KIF1A: variants seen among roughly 807,000 people sequenced by gnomAD.
KIF1A encodes the protein kinesin-like protein KIF1A.
Under a neutral mutation model 227.3 loss-of-function variants are expected in KIF1A, and 46 were observed. The ratio of observed to expected loss-of-function variants is 0.20; its 90% confidence interval spans 0.16 to 0.26. KIF1A has a LOEUF of 0.26. Among genes scored for constraint, KIF1A ranks in the 10% least tolerant of loss-of-function variants. The probability of loss-of-function intolerance (pLI) is 1.00; values close to 1 mark genes in which losing one functional copy is unlikely to be tolerated. For missense variants in KIF1A, 1,683 were observed against 2,485.9 expected (o/e 0.68, Z 6.87); for synonymous variants, 1,022 against 1,012.8 (o/e 1.01, Z -0.17).
At chr2:240,727,341 CTCAGGCAGGGAGGAGAGGAA>C (rs2046137960) in intron 38 of KIF1A, among the ~76,000 whole-genome samples, 1 of 152,102 alleles carries the variant, frequency 6.6e-6, no homozygotes, top group African/African-American at 2.4e-5. Flanking sequence ...GAGGAGAGGA[CTCAGGCAGGGAGGAGAGGAA>C]GGACAGAGGC....
In KIF1A at chr2:240,783,887, A is replaced by G. The variant is rs562904059; in HGVS notation, c.721-71T>C. ...CGGGGGCATCCCAGGACCCCTGGGC[A>G]AGGTCTCCACAGCTGTTGAAGGAGC... On this transcript the variant is annotated intron_variant, in intron 7 of 48. Coordinates refer to ENST00000498729, the MANE Select transcript of KIF1A (RefSeq NM_001244008.2). 34 of 1,205,386 alleles carry G rather than the reference A, an allele frequency of 2.8e-5. 2 individuals are homozygous for G. The South Asian group carries it at 4.3e-4, about 15-fold the overall frequency. The allele number at this position is 1,205,386 out of a possible 1,614,324, so 74.7% of individuals were successfully genotyped here. A position where few individuals can be genotyped will look rare whatever the true frequency, so the allele number is the denominator to read the frequency against.
At chr2:240,741,683 C>T (rs1194440113) in intron 34 of KIF1A, among the ~76,000 whole-genome samples, 1 of 152,244 alleles carries the variant, frequency 6.6e-6, no homozygotes, top group Non-Finnish European at 1.5e-5. Flanking sequence ...CAAGAACCAA[C>T]AGGGCAGCCG....
Position 240,721,041 on chromosome 2 carries a change from G to A in KIF1A, c.4744-3C>T. The A allele has an allele frequency of 3.1e-6, 5 of 1,611,842 alleles. No individual in the cohort carries two copies. Among genetic ancestry groups the A allele is most frequent in the Non-Finnish European group, 4.2e-6 (5 of 1,179,484 alleles). ...AGGGTGACAGACATCTCGGAGAGCT[G>A]CGGAGGAGAGGCCTTTTTCAGGGGA... On this transcript the variant is annotated splice_region_variant and splice_polypyrimidine_tract_variant and intron_variant, in intron 44 of 48. Transcript: ENST00000498729.
At position 240,762,996 on chromosome 2, in the gene KIF1A, GAGGGC is replaced by G; in HGVS notation, c.2022+18_2022+22del. On this transcript the variant is annotated intron_variant, in intron 22 of 48. Transcript: ENST00000498729. ...CTGGTGTGGGTGGGGGCTGGGCAGG[GAGGGC>G]GGGGCCACGTCACTCACCAGCCGCT... The G allele has an allele frequency of 6.9e-7, 1 of 1,451,106 alleles. No homozygotes were observed. Among genetic ancestry groups the G allele is most frequent in the Non-Finnish European group, 9.1e-7 (1 of 1,096,768 alleles). The allele number at this position is 1,451,106 out of a possible 1,614,324, so 89.9% of individuals were successfully genotyped here.
rs1467720869 is a variant in KIF1A, at chr2:240,820,056, G to A, written c.-61+66C>T. On this transcript the variant is annotated intron_variant, in intron 1 of 48. Coordinates refer to ENST00000498729, the MANE Select transcript of KIF1A (RefSeq NM_001244008.2). The surrounding 1 kb of genome is among the most constrained non-coding windows in gnomAD (Gnocchi z 6.2). ...GGTGCAGGTGCGGGCTGCGGGCGCGGGCTGCCGGGCGCAGGTGCGGGGCGA... is the reference window on the plus strand; with the variant it reads ...GGTGCAGGTGCGGGCTGCGGGCGCGAGCTGCCGGGCGCAGGTGCGGGGCGA... 1 of 151,664 alleles carries A rather than the reference G, an allele frequency of 6.6e-6. No homozygotes were observed. The highest frequency in any genetic ancestry group is 1.5e-5 in the Non-Finnish European group (1 of 68,250). The allele number at this position is 151,664 out of a possible 1,614,324, so 9.4% of individuals were successfully genotyped here.
intron 34 of KIF1A, 118 bp from the exon 35 acceptor site, chr2:240,741,495 C>T: frequency 2.7e-6 from 2 of 736,990 alleles, no homozygotes; most frequent in African/African-American, 1.8e-5. Context: ...AGGGCACCTC[C>T]CCCTCCTCAA....
rs1445112028 is a variant in KIF1A, at chr2:240,789,863, A to C, written c.107-551T>G. On this transcript the variant is annotated intron_variant, in intron 2 of 48. Coordinates refer to ENST00000498729, the MANE Select transcript of KIF1A (RefSeq NM_001244008.2). This position sits in a 1 kb window ranked among gnomAD's most constrained non-coding sequence, Gnocchi z 4.8. ...AGTCCCTCCTCCCCCTCCCTCCTCC[A>C]CCCAACTTCAAGCCCAGTCCCAGGC... Among the ~76,000 whole-genome samples, 1 of 150,350 alleles carries C rather than the reference A, an allele frequency of 6.7e-6. No individual in the cohort carries two copies. The highest frequency in any genetic ancestry group is 2.5e-5 in the African/African-American group (1 of 40,676).
chr2:240,763,403 GTC>G, intron 20 of KIF1A, 57 bp from the exon 21 acceptor site: 1 of 1,484,514 alleles, frequency 6.7e-7, no homozygotes. Flanking sequence ...GTCCCTGATG[GTC>G]TCAAGCGGGG....
chr2:240,717,329 G>A lies in KIF1A; in HGVS notation c.*35C>T. The A allele has an allele frequency of 6.3e-7, 1 of 1,597,234 alleles. No homozygotes were observed. Among genetic ancestry groups the A allele is most frequent in the Non-Finnish European group, 8.6e-7 (1 of 1,168,078 alleles). On this transcript the variant is annotated 3_prime_UTR_variant, in exon 49 of 49. Transcript: ENST00000498729. ...CAGACGAGGATGAGGGAGGGGATGG[G>A]CTGGGCCTGCCGGCTGTCACGGGAG... is the stretch of plus-strand genomic sequence containing the variant.
intron 38 of KIF1A, among the ~76,000 whole-genome samples, chr2:240,731,691 T>C (rs2046620846): frequency 6.6e-6 from 1 of 152,134 alleles, no homozygotes; most frequent in Non-Finnish European, 1.5e-5. Flanking sequence ...TGCCCCCAGC[T>C]CAGGCAAGCT....
chr2:240,745,403 G>A (rs1175532010), intron 32 of KIF1A, 24 bp downstream of exon 32: 1 of 1,565,290 alleles, frequency 6.4e-7, no homozygotes, highest in African/African-American at 1.4e-5. Context: ...TGGCAGGGAT[G>A]GGGAGAAGTG....
Position 240,785,106 on chromosome 2 carries a change from G to A in KIF1A, c.609-6C>T, listed in dbSNP as rs2054554901. 8 of 1,610,926 alleles carry A rather than the reference G, an allele frequency of 5.0e-6. No individual in the cohort carries two copies. The South Asian group carries it at 8.8e-5, about 18-fold the overall frequency. ...TGTTGGTGGCCGCCACGGTCCTGAG[G>A]AGCAGAAAGCCACGCACGGTTACCC... On this transcript the variant is annotated splice_polypyrimidine_tract_variant and splice_region_variant and intron_variant, in intron 6 of 48. Transcript: ENST00000498729.
At chr2:240,729,008 G>A (rs1395685902) in intron 38 of KIF1A, among the ~76,000 whole-genome samples, 1 of 152,178 alleles carries the variant, frequency 6.6e-6, no homozygotes, top group Non-Finnish European at 1.5e-5. Flanking sequence ...TCTGGTACAC[G>A]TCAGCATCCC....
chr2:240,772,634 G>C (rs2052163961), intron 13 of KIF1A, 38 bp from the exon 14 acceptor site: 1 of 1,503,236 alleles, frequency 6.7e-7, no homozygotes, highest in Admixed American at 2.0e-5. Flanking sequence ...GGGAGAGACA[G>C]AGAAACAGAA....
chr2:240,771,223 G>A (rs771036457), intron 14 of KIF1A, 119 bp from the exon 15 acceptor site: 14 of 1,237,798 alleles, frequency 1.1e-5, no homozygotes, highest in Admixed American at 4.2e-5. Context: ...CAGAGGGAGG[G>A]AGAGAAAAAA....
intron 38 of KIF1A, among the ~76,000 whole-genome samples, chr2:240,734,173 C>T (rs539512868): frequency 7.9e-5 from 12 of 152,242 alleles, no homozygotes; most frequent in Admixed American, 4.6e-4. Flanking sequence ...GAGGGACTCA[C>T]GAGAGGCTGT....
chr2:240,745,300 G>A, intron 32 of KIF1A, 127 bp downstream of exon 32: 1 of 777,038 alleles, frequency 1.3e-6, no homozygotes, highest in Non-Finnish European at 2.2e-6. Flanking sequence ...TGGCACTGGA[G>A]TTCCCGGTGC....
At chr2:240,745,985 G>A in intron 30 of KIF1A, 54 bp downstream of exon 30, 1 of 1,597,708 alleles carries the variant, frequency 6.3e-7, no homozygotes, top group East Asian at 2.3e-5. Context: ...GCCGGGCTCA[G>A]GAACCAGGTC....
At position 240,774,408 on chromosome 2, in the gene KIF1A, C is replaced by A. The variant is rs1274501741; in HGVS notation, c.959-147G>T. ...ACAGGCTTACCCCCCCCCCCACCCC[C>A]ACCCCATGAACACAGACAACAGCAA... is the stretch of plus-strand genomic sequence containing the variant. On this transcript the variant is annotated intron_variant, in intron 11 of 48. Coordinates refer to ENST00000498729, the MANE Select transcript of KIF1A (RefSeq NM_001244008.2). 9.1e-6 allele frequency: 4 copies of A among 439,478 alleles called. No homozygotes were observed. The East Asian group carries it at 1.6e-4, about 18-fold the overall frequency. The allele number at this position is 439,478 out of a possible 1,614,324, so 27.2% of individuals were successfully genotyped here.
Sources: gnomAD v4.1 joint callset for allele counts (sites outside exome capture counted in the v4.1 genomes callset) on GRCh38, gnomAD v4.1.1 for gene constraint, Gnocchi (gnomAD v3.1) non-coding constraint, MANE v1.5 for transcripts, NCBI Gene and HGNC (gene_info 2026-07-23, HGNC 2026-07-21) for gene names.